The following RP1 variants were observed in gnomAD, a reference collection of about 807,000 sequenced individuals.
RP1 encodes the protein RP1 axonemal microtubule associated.
Under a neutral mutation model 14.8 loss-of-function variants are expected in RP1, and 16 were observed. That is an observed-to-expected ratio of 1.08 (90% CI 0.73 to 1.65). RP1 has a LOEUF of 1.65. Among genes scored for constraint, RP1 ranks in the 40% most tolerant of loss-of-function variants. RP1 has a pLI of 0.00. For missense variants in RP1, 2,631 were observed against 2,535.0 expected (o/e 1.04, Z -0.81); for synonymous variants, 876 against 883.6 (o/e 0.99, Z 0.15).
downstream of RP1, among the ~76,000 whole-genome samples, chr8:54,774,312 T>C (rs909354565): frequency 5.3e-5 from 8 of 152,134 alleles, no homozygotes; most frequent in African/African-American, 1.9e-4. Context: ...GTGTGCATAA[T>C]TTGTGAAGCT....
At chr8:54,791,958 T>C (rs1385821307) in intron 24 of RP1, among the ~76,000 whole-genome samples, 1 of 152,058 alleles carries the variant, frequency 6.6e-6, no homozygotes, top group African/African-American at 2.4e-5. Flanking sequence ...AAGCTGCCTA[T>C]AGGGGACTCA....
intron 7 of RP1, among the ~76,000 whole-genome samples, chr8:54,670,671 TTATATATATA>T (rs375877155): frequency 0.012 from 774 of 62,542 alleles, 43 homozygotes; most frequent in African/African-American, 0.047. Flanking sequence ...ATATATGTTT[TTATATATATA>T]TATATATATA....
At chr8:54,592,595 C>G (rs534843118) in intron 1 of RP1, among the ~76,000 whole-genome samples, 1 of 152,104 alleles carries the variant, frequency 6.6e-6, no homozygotes, top group Non-Finnish European at 1.5e-5. Flanking sequence ...TGTAATTCCC[C>G]GGGGTCGGAT....
At chr8:54,618,128 T>A (rs1257655158) in intron 1 of RP1, among the ~76,000 whole-genome samples, 1 of 152,120 alleles carries the variant, frequency 6.6e-6, no homozygotes, top group African/African-American at 2.4e-5. Flanking sequence ...CCCAACAAGG[T>A]GCCTGGCAAC....
intron 3 of RP1, among the ~76,000 whole-genome samples, chr8:54,644,082 G>A (rs976945132): frequency 2.0e-5 from 3 of 151,902 alleles, no homozygotes; most frequent in African/African-American, 4.8e-5. Flanking sequence ...AATGCATCTC[G>A]GACCAAAATT....
intron 24 of RP1, among the ~76,000 whole-genome samples, chr8:54,790,592 T>C (rs535948764): frequency 4.8e-5 from 7 of 146,554 alleles, no homozygotes; most frequent in African/African-American, 1.7e-4. Context: ...GACAACTAAA[T>C]GAAGTTAGAT....
chr8:54,845,336 C>T (rs114511121), intron 25 of RP1, among the ~76,000 whole-genome samples: 6,106 of 152,210 alleles, frequency 0.04, 161 homozygotes, highest in African/African-American at 0.068. Context: ...TAGCAGAGTA[C>T]GGTGCACAAG....
At position 54,860,147 on chromosome 8, in the gene RP1, A is replaced by G. The variant is rs935611446; in HGVS notation, c.4069+3041A>G. Among the ~76,000 whole-genome samples the G allele has an allele frequency of 3.3e-5, 5 of 152,352 alleles. No individual in the cohort carries two copies. The South Asian group carries it at 1.0e-3, about 32-fold the overall frequency. ...GCCAAGGTTGTTTGATACAAAGAAT[A>G]AAAATGACAGAAGGAAGAATGAAAG... is the stretch of plus-strand genomic sequence containing the variant. On this transcript the variant is annotated intron_variant, in intron 27 of 28. Coordinates refer to the RP1 transcript ENST00000637698.
chr8:54,651,227 T>C (rs1806650329), intron 4 of RP1, among the ~76,000 whole-genome samples: 1 of 152,246 alleles, frequency 6.6e-6, no homozygotes, highest in Non-Finnish European at 1.5e-5. Context: ...TGCATCTTTA[T>C]AAGGCACAGT....
At chr8:54,825,130 C>T (rs1044991571) in intron 24 of RP1, among the ~76,000 whole-genome samples, 1 of 151,970 alleles carries the variant, frequency 6.6e-6, no homozygotes, top group Admixed American at 6.6e-5. Flanking sequence ...CCACCACGGC[C>T]GGCTAATTTG....
chr8:54,762,776 G>A (rs1054260251), intron 22 of RP1, among the ~76,000 whole-genome samples: 19 of 152,076 alleles, frequency 1.2e-4, no homozygotes, highest in African/African-American at 4.6e-4. Flanking sequence ...TCACTGTCTC[G>A]GAAGGCCTGG....
intron 25 of RP1, chr8:54,852,560 T>A: frequency 1.1e-5 from 13 of 1,228,968 alleles, no homozygotes; most frequent in Non-Finnish European, 1.3e-5. Context: ...AATATCAGAT[T>A]TCTTACATTT....
At chr8:54,647,995 C>T (rs1806582871) in intron 3 of RP1, among the ~76,000 whole-genome samples, 1 of 151,968 alleles carries the variant, frequency 6.6e-6, no homozygotes, top group Non-Finnish European at 1.5e-5. Context: ...ATGGTTTCCC[C>T]CATGCTATTC....
intron 4 of RP1, among the ~76,000 whole-genome samples, chr8:54,651,162 G>A (rs759454236): frequency 5.3e-5 from 8 of 151,948 alleles, no homozygotes; most frequent in African/African-American, 7.3e-5. Flanking sequence ...TTATTATAAC[G>A]TATAATCTTT....
intron 8 of RP1, among the ~76,000 whole-genome samples, chr8:54,678,016 T>G (rs1807334756): frequency 1.3e-5 from 2 of 152,220 alleles, no homozygotes; most frequent in Admixed American, 1.3e-4. Context: ...GAATGATTTT[T>G]CATTTTTAGT....
intron 26 of RP1, among the ~76,000 whole-genome samples, chr8:54,855,216 G>T (rs1476679292): frequency 6.6e-6 from 1 of 152,168 alleles, no homozygotes; most frequent in African/African-American, 2.4e-5. Context: ...TTTCATGCAT[G>T]TTGTAGCATG....
At chr8:54,817,691 C>T (rs936535275) in intron 24 of RP1, among the ~76,000 whole-genome samples, 1 of 152,148 alleles carries the variant, frequency 6.6e-6, no homozygotes, top group African/African-American at 2.4e-5. Flanking sequence ...TAAACAATTT[C>T]CTCACTTATG....
chr8:54,599,498 G>A (rs561913143), intron 1 of RP1, among the ~76,000 whole-genome samples: 5 of 149,626 alleles, frequency 3.3e-5, no homozygotes, highest in East Asian at 3.9e-4. Flanking sequence ...TCACTCTGTC[G>A]CCCAGGCTGG....
At chr8:54,816,512 C>A (rs1458111733) in intron 24 of RP1, among the ~76,000 whole-genome samples, 1 of 152,174 alleles carries the variant, frequency 6.6e-6, no homozygotes, top group Non-Finnish European at 1.5e-5. Flanking sequence ...ATCTAAGAAA[C>A]TGAGGATTTT....
Sources: allele counts gnomAD v4.1 joint callset (sites outside exome capture counted in the v4.1 genomes callset), GRCh38; gene constraint gnomAD v4.1.1; transcripts MANE v1.5; gene names NCBI Gene and HGNC (gene_info 2026-07-23, HGNC 2026-07-21).